SREBF2: variants seen among roughly 807,000 people sequenced by gnomAD.
The protein encoded by SREBF2 is sterol regulatory element-binding protein 2.
Under a neutral mutation model 113.1 loss-of-function variants are expected in SREBF2, and 55 were observed. That is an observed-to-expected ratio of 0.49 (90% CI 0.39 to 0.61). SREBF2 has a LOEUF of 0.61. Ranked by LOEUF, SREBF2 falls within the 20% of genes least tolerant of loss-of-function variation. The pLI is 0.00. For missense variants in SREBF2, 1,349 were observed against 1,487.4 expected (o/e 0.91, Z 1.53); for synonymous variants, 593 against 605.7 (o/e 0.98, Z 0.31).
chr22:41,875,766 A>G (rs2077192278), intron 7 of SREBF2, 42 bp downstream of exon 7: 2 of 1,608,962 alleles, frequency 1.2e-6, no homozygotes, highest in Non-Finnish European at 8.5e-7. Flanking sequence ...AATCTTTCCC[A>G]TTTCCCCTAA....
Position 41,852,826 on chromosome 22 carries a change from G to A in SREBF2, c.89-14005G>A, listed in dbSNP as rs138607437. On this transcript the variant is annotated intron_variant, in intron 1 of 18. Transcript: ENST00000361204. Reference sequence around the variant, plus strand: ...GCTGGAGTGCAGTGGCACAGTCTCAGCTCACTGCACCCTCCACCTCCTGGG... The same window carrying A: ...GCTGGAGTGCAGTGGCACAGTCTCAACTCACTGCACCCTCCACCTCCTGGG... Among the ~76,000 whole-genome samples, 153 of 135,968 alleles carry A rather than the reference G, an allele frequency of 1.1e-3. 1 individual carries two copies. The highest frequency in any genetic ancestry group is 4.1e-3 in the African/African-American group (151 of 36,520). The allele number at this position is 135,968 out of a possible 152,430, so 89.2% of individuals were successfully genotyped here.
At chr22:41,837,509 G>C (rs1287239274) in intron 1 of SREBF2, among the ~76,000 whole-genome samples, 2 of 146,972 alleles carry the variant, frequency 1.4e-5, no homozygotes, top group Non-Finnish European at 3.0e-5. Flanking sequence ...AGTAAGCTGA[G>C]ATCATGCCAC....
intron 10 of SREBF2, among the ~76,000 whole-genome samples, chr22:41,883,043 C>T (rs777076772): frequency 3.9e-5 from 6 of 152,056 alleles, no homozygotes; most frequent in Middle Eastern, 3.2e-3. Flanking sequence ...GGAGGTAGAT[C>T]GAGGCTGCAG....
In SREBF2 at chr22:41,833,294, T is replaced by G; in HGVS notation, c.24T>G (p.Gly8=). 7.5e-7 allele frequency: 1 copy of G among 1,331,666 alleles called. No individual in the cohort carries two copies. Among genetic ancestry groups the G allele is most frequent in the South Asian group, 1.3e-5 (1 of 79,278 alleles). The allele number at this position is 1,331,666 out of a possible 1,614,324, so 82.5% of individuals were successfully genotyped here. MDDSGEL[G]GLETMETLTE... ...CGATGGACGACAGCGGCGAGCTGGG[T>G]GGTCTGGAGACCATGGAGACCCTCA... The change falls in exon 1 of 19, where the codon GGT becomes GGG. Residue 8 remains glycine (G), a synonymous_variant. Transcript: ENST00000361204. The surrounding 1 kb of genome is among the most constrained non-coding windows in gnomAD (Gnocchi z 4.1).
At chr22:41,886,455 TCCATGC>T (rs1204682324) in intron 11 of SREBF2, 1 of 152,136 alleles carries the variant, frequency 6.6e-6, no homozygotes, top group Admixed American at 6.6e-5. Flanking sequence ...ATTTGTAACT[TCCATGC>T]CCCCCAAAAA....
At chr22:41,858,447 C>T (rs757955591) in intron 1 of SREBF2, among the ~76,000 whole-genome samples, 38 of 152,106 alleles carry the variant, frequency 2.5e-4, no homozygotes, top group Non-Finnish European at 4.7e-4. Flanking sequence ...TCATGCCATG[C>T]GAAATCATGC....
chr22:41,878,848 T>C, intron 9 of SREBF2: 1 of 777,980 alleles, frequency 1.3e-6, no homozygotes, highest in Non-Finnish European at 1.9e-6. Flanking sequence ...TCAGCCTTGC[T>C]GGGGCTATGG....
At chr22:41,887,730 C>T (rs1040402543) in intron 11 of SREBF2, among the ~76,000 whole-genome samples, 1 of 152,194 alleles carries the variant, frequency 6.6e-6, no homozygotes. Flanking sequence ...GGAATGGCAT[C>T]GCTGGGTCAG....
intron 10 of SREBF2, among the ~76,000 whole-genome samples, chr22:41,884,484 T>TA (rs2077280644): frequency 2.0e-5 from 3 of 152,082 alleles, no homozygotes; most frequent in Admixed American, 2.0e-4. Context: ...TCAGTTCATC[T>TA]AAAAAAAATT....
intron 15 of SREBF2, chr22:41,899,190 G>A (rs1455589077): frequency 8.9e-6 from 10 of 1,126,964 alleles, no homozygotes; most frequent in Non-Finnish European, 9.9e-6. Flanking sequence ...ATGTGCACTG[G>A]AGCATCTTGC....
intron 3 of SREBF2, among the ~76,000 whole-genome samples, chr22:41,870,590 C>T (rs936470210): frequency 7.1e-6 from 1 of 141,362 alleles, no homozygotes; most frequent in Non-Finnish European, 1.5e-5. Context: ...TGCACCACTG[C>T]ACTCCAGCCT....
At chr22:41,879,411 A>G (rs9611686) in intron 9 of SREBF2, among the ~76,000 whole-genome samples, 15,159 of 152,168 alleles carry the variant, frequency 0.1, 1,233 homozygotes, top group African/African-American at 0.23. Flanking sequence ...GGGACTGAGC[A>G]GGGGCGGGGC....
rs373591488 is a variant in SREBF2 at position 41,880,800 on chromosome 22, G to T, written c.1846G>T (p.Ala616Ser). ...RALPTSRLDL[A>S]CSLSWNVIRY... ...ACTGCCCACCTCCCGCCTGGACCTG[G>T]CCTGCAGCCTCTCCTGGAACGTGAT... The change falls in exon 10 of 19, where the codon GCC (alanine) becomes TCC (serine). Residue 616 changes from alanine (A) to serine (S), a missense_variant. Ala to Ser is a moderately conservative substitution (Grantham distance 99). Around this residue, in one of 2 missense-constraint regions of SREBF2, gnomAD observed 699 missense variants for 843.3 expected, o/e 0.83. Coordinates refer to ENST00000361204, the MANE Select transcript of SREBF2 (RefSeq NM_004599.4). 25 of 1,614,124 alleles carry T rather than the reference G, an allele frequency of 1.5e-5. No individual in the cohort carries two copies. The highest frequency in any genetic ancestry group is 1.1e-4 in the South Asian group (10 of 91,084).
Position 41,867,190 on chromosome 22 carries a change from G to T in SREBF2, c.448G>T (p.Val150Leu). The change falls in exon 2 of 19, where the codon GTA becomes TTA. Residue 150 changes from valine (V) to leucine (L), a missense_variant. Transcript: ENST00000361204. ...QPQTQLQQQTVMITPTFSTTP... is the reference protein window; with the variant it reads ...QPQTQLQQQTLMITPTFSTTP... The stretch of plus-strand genomic sequence containing the variant: ...TCAAACTCAGCTGCAACAACAGACG[G>T]TAATGATCACGCCAACATTCAGCAC... 6.2e-7 allele frequency: 1 copy of T among 1,614,148 alleles called. No homozygotes were observed.
At position 41,905,784 on chromosome 22, in the gene SREBF2, G is replaced by A; in HGVS notation, c.*124G>A. ...TAGCTGTCACCTGCCGAGGCTTCTG[G>A]GCCACTCAGGCCAGTGCACCCCTGG... On this transcript the variant is annotated 3_prime_UTR_variant, in exon 19 of 19. Coordinates refer to ENST00000361204, the MANE Select transcript of SREBF2 (RefSeq NM_004599.4). 3.7e-6 allele frequency: 4 copies of A among 1,089,396 alleles called. No homozygotes were observed. Among genetic ancestry groups the A allele is most frequent in the Non-Finnish European group, 5.5e-6 (4 of 728,208 alleles). The allele number at this position is 1,089,396 out of a possible 1,614,324, so 67.5% of individuals were successfully genotyped here.
In SREBF2 at chr22:41,873,951, C is replaced by T. The variant is rs1418941693; in HGVS notation, c.1021C>T (p.Arg341Ter). 1.1e-5 allele frequency: 18 copies of T among 1,614,004 alleles called. No individual in the cohort carries two copies. The highest frequency in any genetic ancestry group is 1.7e-5 in the Admixed American group (1 of 59,982). ...GACAACCCATAATATCATTGAGAAA[C>T]GATATCGCTCCTCCATCAATGACAA... ...RRTTHNIIEK[R>*]YRSSINDKII... The change falls in exon 5 of 19, where the codon CGA (arginine) becomes TGA (stop). Residue 341 changes from arginine (R) to a stop codon, truncating the protein, a stop_gained. Transcript: ENST00000361204. LOFTEE classifies it high-confidence loss of function.
chr22:41,838,379 T>C (rs543069091), intron 1 of SREBF2, among the ~76,000 whole-genome samples: 13 of 152,254 alleles, frequency 8.5e-5, no homozygotes, highest in African/African-American at 3.1e-4. Context: ...TTATGGAAGA[T>C]AGGGAATTGT....
At chr22:41,894,756 C>T (rs181749422) in intron 12 of SREBF2, 64 bp from the exon 13 acceptor site, 40 of 1,425,076 alleles carry the variant, frequency 2.8e-5, no homozygotes, top group East Asian at 1.1e-4. Flanking sequence ...AGTTTCTCTC[C>T]GTAAAGACAA....
Position 41,897,153 on chromosome 22 carries a change from C to A in SREBF2, c.2597C>A (p.Ser866Tyr). ...CTCTCCAGGAGCTCCGTGCTCAAGT[C>A]CGCCCTGGGTAAGCACCTGCGGGTG... ...PPLSRSSVLK[S>Y]ALGPDIICRW... Residue 866 changes from serine to tyrosine, a missense_variant, in exon 14 of 19, where the codon TCC (serine) becomes TAC (tyrosine). Coordinates refer to ENST00000361204, the MANE Select transcript of SREBF2 (RefSeq NM_004599.4). 1 of 1,610,394 alleles carries A rather than the reference C, an allele frequency of 6.2e-7. No individual in the cohort carries two copies. The highest frequency in any genetic ancestry group is 8.5e-7 in the Non-Finnish European group (1 of 1,178,954).
Sources: allele counts gnomAD v4.1 joint callset (sites outside exome capture counted in the v4.1 genomes callset), GRCh38; gene constraint gnomAD v4.1.1; regional missense constraint gnomAD v4.1.1; non-coding constraint Gnocchi (gnomAD v3.1); transcripts MANE v1.5; gene names NCBI Gene and HGNC (gene_info 2026-07-23, HGNC 2026-07-21).